The following PROM1 variants were observed in gnomAD, a reference collection of about 807,000 sequenced individuals.
The protein encoded by PROM1 is prominin-1.
Under a neutral mutation model 116.9 loss-of-function variants are expected in PROM1, and 105 were observed. The observed-to-expected ratio is 0.90, with a 90% CI of 0.77 to 1.06. PROM1 has a LOEUF of 1.06. Ranked by LOEUF, PROM1 falls within the 50% of genes least tolerant of loss-of-function variation. The pLI is 0.00. For missense variants in PROM1, 1,122 were observed against 1,045.2 expected, an observed-to-expected ratio of 1.07 and a Z score of -1.01; for synonymous variants, 393 against 387.0, an observed-to-expected ratio of 1.02 and a Z score of -0.18.
intron 2 of PROM1, among the ~76,000 whole-genome samples, chr4:16,054,611 A>C (rs1738584539): frequency 6.6e-6 from 1 of 152,226 alleles, no homozygotes. Context: ...TCTCATCTGT[A>C]AAATGAAGGT....
rs539883531 is a variant in PROM1, at chr4:16,016,684, C to A, written c.1003-444G>T. On this transcript the variant is annotated intron_variant, in intron 9 of 27. Coordinates refer to ENST00000447510, the MANE Select transcript of PROM1 (RefSeq NM_006017.3). ...TCTCTAGCTCCTACCAATACTGGGA[C>A]GAACATCATATGCCTCCCACATGAT... Among the ~76,000 whole-genome samples the A allele has an allele frequency of 4.4e-4, 67 of 152,230 alleles. 2 individuals carry two copies. Among genetic ancestry groups the A allele is most frequent in the African/African-American group, 1.5e-3 (64 of 41,522 alleles).
intron 2 of PROM1, among the ~76,000 whole-genome samples, chr4:16,047,262 T>TG: frequency 6.6e-6 from 1 of 152,148 alleles, no homozygotes; most frequent in Middle Eastern, 3.4e-3. Context: ...TGGAGTACAG[T>TG]GGGGCAATCT....
chr4:15,983,198 G>A (rs1390950316), intron 23 of PROM1, among the ~76,000 whole-genome samples: 2 of 152,174 alleles, frequency 1.3e-5, no homozygotes, highest in African/African-American at 4.8e-5. Flanking sequence ...GCCTAGTTTT[G>A]GGGATCAGAA....
At chr4:16,013,504 C>T (rs569928622) in intron 10 of PROM1, among the ~76,000 whole-genome samples, 166 bp from the exon 11 acceptor site, 2 of 152,140 alleles carry the variant, frequency 1.3e-5, no homozygotes, top group East Asian at 3.9e-4. Flanking sequence ...TAAAAAAATC[C>T]CCTTTAGAGA....
At chr4:16,024,490 C>T (rs1730742281) in intron 6 of PROM1, 132 bp from the exon 7 acceptor site, 1 of 674,600 alleles carries the variant, frequency 1.5e-6, no homozygotes. Flanking sequence ...TCCTAGAAAC[C>T]TTTCTGCTTT....
intron 11 of PROM1, among the ~76,000 whole-genome samples, chr4:16,012,731 T>C (rs1727202237): frequency 1.3e-5 from 2 of 151,366 alleles, no homozygotes; most frequent in Non-Finnish European, 2.9e-5. Flanking sequence ...ATTAGCCGGG[T>C]GTGGTGGCGG....
chr4:16,050,697 T>C (rs1455817518), intron 2 of PROM1, among the ~76,000 whole-genome samples: 2 of 152,228 alleles, frequency 1.3e-5, no homozygotes, highest in Non-Finnish European at 2.9e-5. Context: ...TCCTTCTTAG[T>C]GAACCAAACT....
chr4:16,055,404 G>T (rs1278201578), intron 2 of PROM1: 4 of 456,146 alleles, frequency 8.8e-6, no homozygotes, highest in South Asian at 1.5e-5. Flanking sequence ...TGGCTGCAGG[G>T]TCTTAAATGA....
intron 11 of PROM1, among the ~76,000 whole-genome samples, chr4:16,010,040 T>C (rs1033882353): frequency 6.6e-6 from 1 of 151,944 alleles, no homozygotes; most frequent in African/African-American, 2.4e-5. Flanking sequence ...CTGGGTGATA[T>C]TTTTGTTAAA....
chr4:16,068,074 T>C (rs557295114), intron 2 of PROM1, among the ~76,000 whole-genome samples: 1 of 151,164 alleles, frequency 6.6e-6, no homozygotes, highest in Admixed American at 6.6e-5. Flanking sequence ...GGAGGCAGAG[T>C]AGATGTACAG....
In PROM1 at chr4:16,075,969, A is replaced by G; in HGVS notation, c.-63T>C. ...TGCCTCCTGCCTCAGAGCTTCTGGA[A>G]GCCTTGGGGAAGGCAAGCGTGTTCC... On this transcript the variant is annotated 5_prime_UTR_variant, in exon 2 of 28. Coordinates refer to ENST00000447510, the MANE Select transcript of PROM1 (RefSeq NM_006017.3). 6.7e-7 allele frequency: 1 copy of G among 1,501,342 alleles called. No individual in the cohort carries two copies. The allele number at this position is 1,501,342 out of a possible 1,614,324, so 93.0% of individuals were successfully genotyped here.
At chr4:16,066,952 G>C (rs755922176) in intron 2 of PROM1, among the ~76,000 whole-genome samples, 10 of 152,156 alleles carry the variant, frequency 6.6e-5, no homozygotes, top group Non-Finnish European at 1.2e-4. Flanking sequence ...TATTTCAGAG[G>C]GACTTTGTAG....
intron 8 of PROM1, 145 bp downstream of exon 8, chr4:16,023,181 T>A: frequency 1.5e-6 from 1 of 678,496 alleles, no homozygotes. Flanking sequence ...TGCAACACAG[T>A]GTCTTGACCT....
At chr4:16,067,899 C>T (rs1051547299) in intron 2 of PROM1, among the ~76,000 whole-genome samples, 1 of 152,060 alleles carries the variant, frequency 6.6e-6, no homozygotes, top group African/African-American at 2.4e-5. Flanking sequence ...ATGATTGGTT[C>T]GGGTGAGCCA....
chr4:15,997,315 T>G (rs969056911), intron 15 of PROM1, among the ~76,000 whole-genome samples: 1 of 147,936 alleles, frequency 6.8e-6, no homozygotes, highest in African/African-American at 2.5e-5. Flanking sequence ...CAAACATATA[T>G]ATATATATAT....
At chr4:16,075,646 T>G in intron 2 of PROM1, 41 bp downstream of exon 2, 1 of 1,544,904 alleles carries the variant, frequency 6.5e-7, no homozygotes. Flanking sequence ...TGTGGGTGCG[T>G]TTGGAGATAA....
chr4:16,072,067 G>T (rs1413217734), intron 2 of PROM1, among the ~76,000 whole-genome samples: 2 of 152,102 alleles, frequency 1.3e-5, no homozygotes, highest in African/African-American at 2.4e-5. Context: ...CCCACAGCAG[G>T]TTCTAGAATA....
At chr4:15,995,196 G>A (rs1186353698) in intron 15 of PROM1, among the ~76,000 whole-genome samples, 1 of 152,100 alleles carries the variant, frequency 6.6e-6, no homozygotes, top group African/African-American at 2.4e-5. Context: ...TCTGCCAGAA[G>A]CAATGGAGAA....
intron 26 of PROM1, among the ~76,000 whole-genome samples, chr4:15,978,209 A>C (rs1401183376): frequency 6.6e-6 from 1 of 152,232 alleles, no homozygotes; most frequent in Non-Finnish European, 1.5e-5. Context: ...GATGTTTATA[A>C]GCTACCCAGT....
Sources: gnomAD v4.1 joint callset for allele counts (sites outside exome capture counted in the v4.1 genomes callset) on GRCh38, gnomAD v4.1.1 for gene constraint, MANE v1.5 for transcripts, NCBI Gene and HGNC (gene_info 2026-07-23, HGNC 2026-07-21) for gene names.